The following TARBP1 variants were observed in gnomAD, a reference collection of about 807,000 sequenced individuals.
TARBP1 encodes tRNA (guanosine(18)-2'-O)-methyltransferase TARBP1.
TARBP1 carries 144 observed loss-of-function variants against 178.6 expected under a neutral mutation model. That is an observed-to-expected ratio of 0.81 (90% CI 0.70 to 0.93). The LOEUF (loss-of-function observed/expected upper bound fraction) is 0.93, where lower values mean the gene tolerates loss of function less well. Ranked by LOEUF, TARBP1 falls within the 40% of genes least tolerant of loss-of-function variation. The probability of loss-of-function intolerance (pLI) is 0.00; values close to 1 mark genes in which losing one functional copy is unlikely to be tolerated. For synonymous variants in TARBP1, 787 were observed against 781.0 expected (o/e 1.01, Z -0.13); for missense variants, 2,067 against 2,011.7 (o/e 1.03, Z -0.53).
At chr1:234,409,403 C>T (rs1661579282) in intron 23 of TARBP1, among the ~76,000 whole-genome samples, 1 of 152,180 alleles carries the variant, frequency 6.6e-6, no homozygotes, top group Non-Finnish European at 1.5e-5. Flanking sequence ...AGGACAATGT[C>T]TGCTCTGTTT....
At chr1:234,417,893 T>TG (rs940153113) in intron 22 of TARBP1, among the ~76,000 whole-genome samples, 191 bp downstream of exon 22, 22 of 152,258 alleles carry the variant, frequency 1.4e-4, no homozygotes, top group African/African-American at 4.8e-4. Context: ...TCAAAAACTA[T>TG]GAAATATTCA....
Position 234,465,662 on chromosome 1 carries a change from TAC to T in TARBP1, c.1293_1294del (p.Tyr432Ter), listed in dbSNP as rs779100356. Reference sequence around the variant, plus strand: ...TAACATAATGTCTCTTTACCTGCTATACAGAGAGCTCTCTGAAAGCGCATCCA... The same window carrying T: ...TAACATAATGTCTCTTTACCTGCTATAGAGAGCTCTCTGAAAGCGCATCCA... On this transcript the variant is annotated frameshift_variant, in exon 5 of 30. Transcript: ENST00000040877. LOFTEE classifies it high-confidence loss of function. 7 of 1,570,540 alleles carry T rather than the reference TAC, an allele frequency of 4.5e-6. No homozygotes were observed. The Admixed American group carries it at 1.4e-4, about 32-fold the overall frequency.
rs886494469 is a variant in TARBP1 at position 234,433,559 on chromosome 1, C to A, written c.2245G>T (p.Asp749Tyr). Residue 749 changes from aspartate (D) to tyrosine (Y), a missense_variant, in exon 14 of 30, where the codon GAT becomes TAT. Physicochemically the swap from Asp to Tyr is radical, Grantham distance 160 (BLOSUM62 -3). Transcript: ENST00000040877. ...ACCATCAGGTATAAATGGCAACGAT[C>A]CAGATCTGAAACCTAAGACAAGGAT... is the stretch of plus-strand genomic sequence containing the variant. ...MNELNSVSDL[D>Y]RCHLYLMVLT... 8.7e-6 allele frequency: 14 copies of A among 1,610,196 alleles called. No homozygotes were observed. The highest frequency in any genetic ancestry group is 1.7e-5 in the Admixed American group (1 of 58,334).
intron 2 of TARBP1, among the ~76,000 whole-genome samples, chr1:234,472,513 T>C (rs543238643): frequency 6.6e-6 from 1 of 152,098 alleles, no homozygotes; most frequent in Non-Finnish European, 1.5e-5. Context: ...TTTTGAATAA[T>C]TTGTCAACTG....
At position 234,459,463 on chromosome 1, in the gene TARBP1, C is replaced by T. The variant is rs540272121; in HGVS notation, c.1536-137G>A. ...TGCAGAATTTCAAAGCTGTTATTTCCCATTATGGCCTCTATTAAGAGCTCA... is the reference window on the plus strand; with the variant it reads ...TGCAGAATTTCAAAGCTGTTATTTCTCATTATGGCCTCTATTAAGAGCTCA... On this transcript the variant is annotated intron_variant, in intron 7 of 29. Transcript: ENST00000040877. The T allele has an allele frequency of 4.9e-5, 31 of 638,106 alleles. 1 individual carries two copies. The South Asian group carries it at 6.6e-4, about 14-fold the overall frequency. 39.5% of individuals were successfully genotyped at this position (638,106 alleles called of 1,614,324 possible). A position where few individuals can be genotyped will look rare whatever the true frequency, so the allele number is the denominator to read the frequency against.
Position 234,429,501 on chromosome 1 carries a change from A to T in TARBP1, c.2786T>A (p.Leu929Ter). Residue 929 changes from leucine (L) to a stop codon, truncating the protein, a stop_gained, in exon 16 of 30, where the codon TTG becomes TAG. Coordinates refer to ENST00000040877, the MANE Select transcript of TARBP1 (RefSeq NM_005646.4). LOFTEE classifies it high-confidence loss of function. ...TGTGAGGGCTTCTAGTGCAGACTGC[A>T]AAGTCCTTATTGGCATCTGAACGGC... ...LPAVQMPIRT[L>*]QSALEALTVL... 1 of 1,614,228 alleles carries T rather than the reference A, an allele frequency of 6.2e-7. No individual in the cohort carries two copies. The highest frequency in any genetic ancestry group is 8.5e-7 in the Non-Finnish European group (1 of 1,180,042).
chr1:234,427,180 C>A, intron 19 of TARBP1, 137 bp downstream of exon 19: 1 of 572,120 alleles, frequency 1.7e-6, no homozygotes, highest in Non-Finnish European at 3.1e-6. Context: ...TTCTAACATA[C>A]TTTTAAAGGC....
chr1:234,429,419 G>A lies in TARBP1; in HGVS notation c.2868C>T (p.Pro956=), dbSNP rs780059493. The A allele has an allele frequency of 3.1e-6, 5 of 1,608,802 alleles. No homozygotes were observed. In the African/African-American group the frequency reaches 6.7e-5, roughly 22 times the overall value. ...TTCATGTTTCACTCTATCTTACCTT[G>A]GGAACCAACACTTTCAAGCAATGGA... ...PVFHCLKVLV[P]KLLTSSESLC... is the part of the protein sequence containing the mutation. Residue 956 remains proline, a synonymous_variant, in exon 16 of 30, where the codon CCC becomes CCT. Coordinates refer to ENST00000040877, the MANE Select transcript of TARBP1 (RefSeq NM_005646.4).
intron 6 of TARBP1, among the ~76,000 whole-genome samples, chr1:234,463,308 G>C (rs1358960803): frequency 2.0e-5 from 3 of 152,086 alleles, no homozygotes; most frequent in Admixed American, 2.0e-4. Context: ...ATTTTTAGTG[G>C]AGACAGAGTT....
intron 20 of TARBP1, among the ~76,000 whole-genome samples, chr1:234,423,687 C>T (rs1190821240): frequency 6.6e-6 from 1 of 152,132 alleles, no homozygotes; most frequent in African/African-American, 2.4e-5. Flanking sequence ...CTTAATTCAT[C>T]CAGAGCTCAG....
At chr1:234,457,074 A>T (rs1357850435) in intron 9 of TARBP1, among the ~76,000 whole-genome samples, 2 of 152,198 alleles carry the variant, frequency 1.3e-5, no homozygotes. Flanking sequence ...AAGAGTCCTG[A>T]GGAAAAGGGT....
chr1:234,479,089 G>A lies in TARBP1; in HGVS notation c.15C>T (p.Leu5=), dbSNP rs748714259. 41 of 1,538,302 alleles carry A rather than the reference G, an allele frequency of 2.7e-5. No individual in the cohort carries two copies. The highest frequency in any genetic ancestry group is 2.3e-4 in the Middle Eastern group (1 of 4,280). ...GGCTCTGCGAGAGCAGCGCTTCCGC[G>A]AGCACCCACTCCATTTGCCGAGCGC... MEWV[L]AEALLSQSRD... Residue 5 remains leucine (L), a synonymous_variant, in exon 1 of 30, where the codon CTC becomes CTT. Coordinates refer to ENST00000040877, the MANE Select transcript of TARBP1 (RefSeq NM_005646.4).
chr1:234,418,190 A>C lies in TARBP1; in HGVS notation c.3599T>G (p.Phe1200Cys), dbSNP rs1265513912. 6.4e-7 allele frequency: 1 copy of C among 1,555,556 alleles called. No homozygotes were observed. The highest frequency in any genetic ancestry group is 1.4e-5 in the African/African-American group (1 of 71,054). Residue 1200 changes from phenylalanine to cysteine, a missense_variant, in exon 22 of 30, where the codon TTC becomes TGC. Physicochemically the swap from Phe to Cys is radical, Grantham distance 205. Transcript: ENST00000040877. ...TTTTATGGATGCTTGATTGTTGGTG[A>C]AACCAGCCTGGAAAATCCTGTCAAT... ...GIIDRIFQAG[F>C]TNNQASIKYF...
chr1:234,470,093 C>G (rs1668886874), intron 3 of TARBP1, among the ~76,000 whole-genome samples: 1 of 152,028 alleles, frequency 6.6e-6, no homozygotes, highest in Admixed American at 6.5e-5. Flanking sequence ...GTGGCAAAAC[C>G]CCGTCTCTAC....
At chr1:234,460,976 T>C (rs1283257911) in intron 6 of TARBP1, among the ~76,000 whole-genome samples, 5 of 152,314 alleles carry the variant, frequency 3.3e-5, no homozygotes, top group Admixed American at 3.3e-4. Flanking sequence ...CATGAAATGT[T>C]GAGAATATGC....
chr1:234,429,055 G>T, intron 17 of TARBP1, 81 bp downstream of exon 17: 2 of 1,278,198 alleles, frequency 1.6e-6, no homozygotes, highest in African/African-American at 1.5e-5. Context: ...AAATCTAATT[G>T]TGAATACAAC....
intron 5 of TARBP1, among the ~76,000 whole-genome samples, chr1:234,464,880 A>G (rs745313460): frequency 1.3e-5 from 2 of 152,204 alleles, no homozygotes; most frequent in African/African-American, 2.4e-5. Context: ...CTAAGGTACA[A>G]TCCTGACAAA....
At position 234,478,742 on chromosome 1, in the gene TARBP1, G is replaced by C; in HGVS notation, c.362C>G (p.Ala121Gly). 1 of 1,141,640 alleles carries C rather than the reference G, an allele frequency of 8.8e-7. No homozygotes were observed. Among genetic ancestry groups the C allele is most frequent in the South Asian group, 3.8e-5 (1 of 26,486 alleles). The allele number at this position is 1,141,640 out of a possible 1,614,324, so 70.7% of individuals were successfully genotyped here. ...AGRPQLAAAL[A>G]EEALRDLLAG... ...GAGCAGATCGCGCAGCGCCTCCTCA[G>C]CCAGCGCGGCCGCCAGCTGCGGACG... Residue 121 changes from alanine (A) to glycine (G), a missense_variant, in exon 1 of 30, where the codon GCT (alanine) becomes GGT (glycine). Coordinates refer to ENST00000040877, the MANE Select transcript of TARBP1 (RefSeq NM_005646.4).
chr1:234,456,285 C>T (rs1384932623), intron 9 of TARBP1, among the ~76,000 whole-genome samples: 1 of 152,224 alleles, frequency 6.6e-6, no homozygotes, highest in Non-Finnish European at 1.5e-5. Context: ...ACTGCAACCT[C>T]CGCCTCCCGG....
Sources: allele counts gnomAD v4.1 joint callset (sites outside exome capture counted in the v4.1 genomes callset), GRCh38; gene constraint gnomAD v4.1.1; transcripts MANE v1.5; gene names NCBI Gene and HGNC (gene_info 2026-07-23, HGNC 2026-07-21).